Variants in PLXDC2 observed in about 807,000 individuals in gnomAD.
The protein encoded by PLXDC2 is plexin domain-containing protein 2.
In PLXDC2, 40 loss-of-function variants were observed where a neutral mutation model predicts 68.9. The ratio of observed to expected loss-of-function variants is 0.58; its 90% CI spans 0.45 to 0.76. The LOEUF (loss-of-function observed/expected upper bound fraction) is 0.76. Among genes scored for constraint, PLXDC2 ranks in the 30% least tolerant of loss-of-function variants. PLXDC2 has a pLI of 0.00. For synonymous variants in PLXDC2, 243 were observed against 234.2 expected (o/e 1.04, Z -0.34); for missense variants, 644 against 661.9 (o/e 0.97, Z 0.30).
At chr10:20,212,422 A>G (rs1047849684) in intron 10 of PLXDC2, among the ~76,000 whole-genome samples, 2 of 152,092 alleles carry the variant, frequency 1.3e-5, no homozygotes, top group African/African-American at 4.8e-5. Flanking sequence ...ACCAGAAACA[A>G]TTTTAACCCG....
intron 4 of PLXDC2, among the ~76,000 whole-genome samples, chr10:20,127,775 C>T (rs1001958155): frequency 6.6e-6 from 1 of 152,054 alleles, no homozygotes; most frequent in African/African-American, 2.4e-5. Flanking sequence ...GAATGGCTTG[C>T]ACCCAGGAGT....
At chr10:19,977,381 C>A (rs930962337) in intron 1 of PLXDC2, among the ~76,000 whole-genome samples, 2 of 152,156 alleles carry the variant, frequency 1.3e-5, no homozygotes, top group Non-Finnish European at 2.9e-5. Context: ...GGAACATTGC[C>A]CTGGAGAACA....
intron 2 of PLXDC2, among the ~76,000 whole-genome samples, chr10:20,042,916 C>T (rs929215300): frequency 6.6e-6 from 1 of 152,166 alleles, no homozygotes; most frequent in Non-Finnish European, 1.5e-5. Context: ...CTTTCTCTAA[C>T]AGTTGGTTTC....
chr10:20,169,411 A>G (rs1276165801), intron 7 of PLXDC2, among the ~76,000 whole-genome samples: 3 of 152,176 alleles, frequency 2.0e-5, no homozygotes, highest in Admixed American at 6.6e-5. Flanking sequence ...TCATATATTC[A>G]TGTGTTGTTT....
intron 3 of PLXDC2, among the ~76,000 whole-genome samples, chr10:20,066,851 GATATA>G (rs1266143254): frequency 2.0e-5 from 3 of 152,140 alleles, no homozygotes; most frequent in Non-Finnish European, 2.9e-5. Context: ...TATTGGGAGA[GATATA>G]ATATAGCAAT....
intron 3 of PLXDC2, among the ~76,000 whole-genome samples, chr10:20,062,490 A>G (rs1346291099): frequency 6.6e-6 from 1 of 152,180 alleles, no homozygotes; most frequent in Admixed American, 6.6e-5. Flanking sequence ...ATGAAATCGC[A>G]CAGTTACTAA....
intron 4 of PLXDC2, among the ~76,000 whole-genome samples, chr10:20,107,242 A>G (rs16919862): frequency 0.08 from 12,204 of 151,964 alleles, 596 homozygotes; most frequent in African/African-American, 0.13. Flanking sequence ...GTATATGTCA[A>G]TGTGTCTGAT....
intron 1 of PLXDC2, among the ~76,000 whole-genome samples, chr10:19,971,378 C>A (rs146560257): frequency 6.6e-6 from 1 of 152,214 alleles, no homozygotes; most frequent in Middle Eastern, 3.4e-3. Flanking sequence ...TAGCTCAGTT[C>A]CTTATGAACA....
chr10:19,956,299 A>C (rs1352002460), intron 1 of PLXDC2, among the ~76,000 whole-genome samples: 4 of 152,160 alleles, frequency 2.6e-5, no homozygotes, highest in Admixed American at 1.3e-4. Flanking sequence ...CACTTGAATA[A>C]ATTTTTTAAA....
chr10:19,966,218 A>G (rs2884506), intron 1 of PLXDC2, among the ~76,000 whole-genome samples: 18,091 of 143,600 alleles, frequency 0.13, 1,244 homozygotes, highest in African/African-American at 0.17. Flanking sequence ...TATACTACGT[A>G]TACATATATA....
At chr10:20,257,997 C>CTTTTTTT (rs550997528) in intron 13 of PLXDC2, among the ~76,000 whole-genome samples, 4 of 84,354 alleles carry the variant, frequency 4.7e-5, no homozygotes, top group Non-Finnish European at 7.1e-5. Context: ...TTTTTTCTTT[C>CTTTTTTT]TTTTTTTTTT....
In PLXDC2 at chr10:20,280,138, C is replaced by A. The variant is rs191766101; in HGVS notation, c.*319C>A. The A allele has an allele frequency of 3.4e-4, 76 of 225,010 alleles. No homozygotes were observed. Among genetic ancestry groups the A allele is most frequent in the African/African-American group, 1.6e-3 (72 of 44,018 alleles). The allele number at this position is 225,010 out of a possible 1,614,324, so 13.9% of individuals were successfully genotyped here. The stretch of plus-strand genomic sequence containing the variant: ...TGCTTTTGGCTTAGGTGCAGGGTTG[C>A]AAAGGGATCAGAAAAAAAAAATCAT... On this transcript the variant is annotated 3_prime_UTR_variant, in exon 14 of 14. Transcript: ENST00000377252.
At chr10:19,938,908 G>GA (rs1833771296) in intron 1 of PLXDC2, among the ~76,000 whole-genome samples, 2 of 151,988 alleles carry the variant, frequency 1.3e-5, no homozygotes, top group Admixed American at 6.6e-5. Flanking sequence ...CAGTAGTCCA[G>GA]AAAAAAATGT....
chr10:19,994,492 A>G (rs2131631726), intron 1 of PLXDC2, among the ~76,000 whole-genome samples: 1 of 149,114 alleles, frequency 6.7e-6, no homozygotes, highest in South Asian at 2.1e-4. Context: ...CCATACCCAA[A>G]TGTTTCTCAC....
At chr10:20,032,410 G>T (rs377131835) in intron 2 of PLXDC2, among the ~76,000 whole-genome samples, 1 of 152,140 alleles carries the variant, frequency 6.6e-6, no homozygotes, top group East Asian at 1.9e-4. Context: ...TTCTAAGTGT[G>T]ATGAGAAGCC....
rs557035156 is a variant in PLXDC2, at chr10:19,913,300, C to T, written c.113-88475C>T. On this transcript the variant is annotated intron_variant, in intron 1 of 13. Transcript: ENST00000377252. Reference sequence around the variant, plus strand: ...TGTTTAAAGGTGTGTAGCACCTCCCCTTTCTCTCTTTTCCTCCTGCTCTCC... The same window carrying T: ...TGTTTAAAGGTGTGTAGCACCTCCCTTTTCTCTCTTTTCCTCCTGCTCTCC... Among the ~76,000 whole-genome samples the T allele has an allele frequency of 9.2e-5, 14 of 152,208 alleles. 1 individual carries two copies. The South Asian group carries it at 1.0e-3, about 11-fold the overall frequency.
At chr10:20,199,969 G>T (rs958955040) in intron 9 of PLXDC2, among the ~76,000 whole-genome samples, 6 of 151,804 alleles carry the variant, frequency 4.0e-5, no homozygotes, top group African/African-American at 1.4e-4. Flanking sequence ...AGAGTTTCGA[G>T]AAATAAACTA....
intron 1 of PLXDC2, among the ~76,000 whole-genome samples, chr10:19,995,698 T>G (rs1215680872): frequency 1.3e-5 from 2 of 152,146 alleles, no homozygotes; most frequent in Non-Finnish European, 2.9e-5. Flanking sequence ...CTGTGTTAAC[T>G]CTCCTCTGCA....
At chr10:20,244,695 C>T (rs1835565068) in intron 12 of PLXDC2, among the ~76,000 whole-genome samples, 1 of 152,078 alleles carries the variant, frequency 6.6e-6, no homozygotes, top group Non-Finnish European at 1.5e-5. Flanking sequence ...TCAGCTTTTC[C>T]ATAGGTAACT....
Sources: gnomAD v4.1 joint callset for allele counts (sites outside exome capture counted in the v4.1 genomes callset) on GRCh38, gnomAD v4.1.1 for gene constraint, MANE v1.5 for transcripts, NCBI Gene and HGNC (gene_info 2026-07-23, HGNC 2026-07-21) for gene names.